Variants in DOCK1 observed in about 807,000 individuals in gnomAD.
DOCK1 encodes the protein dedicator of cytokinesis 1.
Under a neutral mutation model 262.7 loss-of-function variants are expected in DOCK1, and 138 were observed. The observed-to-expected ratio is 0.53, with a 90% CI of 0.46 to 0.61. The LOEUF is 0.61. Ranked by LOEUF, DOCK1 falls within the 20% of genes least tolerant of loss-of-function variation. DOCK1 has a pLI of 0.00. For missense variants in DOCK1, 1,908 were observed against 2,370.7 expected (o/e 0.80, Z 4.05); for synonymous variants, 866 against 867.4 (o/e 1.00, Z 0.03).
chr10:127,394,352 T>TAAAAAAAAAAAA (rs34284692), intron 38 of DOCK1, among the ~76,000 whole-genome samples: 1 of 133,074 alleles, frequency 7.5e-6, no homozygotes. Flanking sequence ...TGCACCAATG[T>TAAAAAAAAAAAA]AAAAAAAAAA....
intron 40 of DOCK1, among the ~76,000 whole-genome samples, chr10:127,407,863 A>T (rs1285765477): frequency 6.6e-6 from 1 of 151,698 alleles, no homozygotes; most frequent in Non-Finnish European, 1.5e-5. Context: ...TGTTTCTTGT[A>T]CCCCTGTGGC....
intron 27 of DOCK1, chr10:127,192,864 G>T (rs1056961203): frequency 1.3e-4 from 20 of 152,258 alleles, no homozygotes; most frequent in African/African-American, 4.6e-4. Flanking sequence ...TTTGGTTCCT[G>T]CAAGTCTGTA....
intron 27 of DOCK1, among the ~76,000 whole-genome samples, chr10:127,141,310 G>T (rs972199777): frequency 2.0e-5 from 3 of 152,172 alleles, no homozygotes; most frequent in South Asian, 2.1e-4. Flanking sequence ...ATGCCATGCG[G>T]TCATCCTCTT....
intron 27 of DOCK1, among the ~76,000 whole-genome samples, chr10:127,195,768 C>T (rs979782793): frequency 1.4e-4 from 21 of 152,166 alleles, no homozygotes; most frequent in Admixed American, 3.3e-4. Context: ...CCCGGTCGCG[C>T]CAGATGCAGT....
intron 29 of DOCK1, among the ~76,000 whole-genome samples, chr10:127,263,382 G>A (rs1304146295): frequency 4.0e-5 from 1 of 24,752 alleles, no homozygotes; most frequent in Non-Finnish European, 8.0e-5. Context: ...GATATAACTT[G>A]TAAATCAAGA....
chr10:127,287,143 G>A (rs551577063), intron 29 of DOCK1, among the ~76,000 whole-genome samples: 22 of 151,580 alleles, frequency 1.5e-4, no homozygotes, highest in Middle Eastern at 3.4e-3. Flanking sequence ...TCCTGACCTC[G>A]TGATCTGCCT....
At chr10:126,949,230 A>C (rs1032517184) in intron 1 of DOCK1, among the ~76,000 whole-genome samples, 1 of 151,940 alleles carries the variant, frequency 6.6e-6, no homozygotes, top group Non-Finnish European at 1.5e-5. Context: ...GGGTTAACAC[A>C]CCCAGCTCCT....
rs527369055 is a variant in DOCK1 at position 126,921,152 on chromosome 10, G to A, written c.46+15589G>A. 6.7e-5 allele frequency among the ~76,000 whole-genome samples: 10 copies of A among 149,904 alleles called. No homozygotes were observed. In the East Asian group the frequency reaches 1.8e-3, roughly 27 times the overall value. ...GAGGCAGAGGTTGCAGTGAGCCGAG[G>A]TCGCACCATTGCACTCCAGTCTGAG... On this transcript the variant is annotated intron_variant, in intron 1 of 51. Coordinates refer to ENST00000623213, the MANE Select transcript of DOCK1 (RefSeq NM_001290223.2).
intron 27 of DOCK1, among the ~76,000 whole-genome samples, chr10:127,183,186 G>A (rs1564880166): frequency 6.7e-6 from 1 of 150,116 alleles, no homozygotes; most frequent in African/African-American, 2.5e-5. Context: ...TATATCAAAG[G>A]AGTCTGTTTT....
At chr10:127,429,416 T>A (rs1489496694) in intron 47 of DOCK1, among the ~76,000 whole-genome samples, 2 of 152,102 alleles carry the variant, frequency 1.3e-5, no homozygotes, top group African/African-American at 4.8e-5. Context: ...GGGATGTGCC[T>A]TTCCTGTCTT....
Position 127,037,760 on chromosome 10 carries a change from C to T in DOCK1, c.1954C>T (p.Leu652=). Residue 652 remains leucine, a synonymous_variant, in exon 19 of 52, where the codon CTG becomes TTG. Transcript: ENST00000623213. ...GLLKWRSNTS[L]LQQNLRQLMK... ...CTTGAAATGGCGCTCCAACACCAGC[C>T]TGCTGCAGCAGAACTTGAGGCAGCT... is the stretch of plus-strand genomic sequence containing the variant. 3 of 1,599,010 alleles carry T rather than the reference C, an allele frequency of 1.9e-6. No individual in the cohort carries two copies. Among genetic ancestry groups the T allele is most frequent in the Non-Finnish European group, 2.6e-6 (3 of 1,172,730 alleles).
intron 27 of DOCK1, among the ~76,000 whole-genome samples, chr10:127,194,705 G>T (rs1473463943): frequency 1.3e-5 from 2 of 152,086 alleles, no homozygotes; most frequent in Non-Finnish European, 2.9e-5. Context: ...TAACCCTCTA[G>T]CAAGTCCTCG....
intron 29 of DOCK1, among the ~76,000 whole-genome samples, chr10:127,294,417 G>A (rs1460479173): frequency 1.3e-5 from 2 of 152,080 alleles, no homozygotes; most frequent in Middle Eastern, 3.2e-3. Context: ...CGCCTCCCAG[G>A]TTCAAGCAAT....
chr10:127,062,477 A>G (rs2045598812), intron 23 of DOCK1, among the ~76,000 whole-genome samples: 1 of 152,130 alleles, frequency 6.6e-6, no homozygotes, highest in South Asian at 2.1e-4. Flanking sequence ...GCTACAGAAC[A>G]CTGGACTTTA....
At chr10:127,415,281 C>A (rs758383626) in intron 44 of DOCK1, 43 bp downstream of exon 44, 9 of 1,581,872 alleles carry the variant, frequency 5.7e-6, no homozygotes, top group Admixed American at 1.8e-5. Context: ...CGTTCCCTTC[C>A]TCAATACAGT....
intron 43 of DOCK1, among the ~76,000 whole-genome samples, chr10:127,412,877 A>T (rs1185195355): frequency 6.6e-6 from 1 of 152,252 alleles, no homozygotes; most frequent in Non-Finnish European, 1.5e-5. Flanking sequence ...GTGCAGTCCC[A>T]GCAGGCTGGT....
intron 23 of DOCK1, among the ~76,000 whole-genome samples, chr10:127,078,382 C>A (rs1489106044): frequency 6.6e-6 from 1 of 151,970 alleles, no homozygotes; most frequent in Non-Finnish European, 1.5e-5. Context: ...GGGTGTGGGG[C>A]AACCTTGCAT....
chr10:127,197,998 A>G (rs563274995), intron 27 of DOCK1, among the ~76,000 whole-genome samples: 1 of 152,210 alleles, frequency 6.6e-6, no homozygotes, highest in African/African-American at 2.4e-5. Context: ...CCAGGACGGG[A>G]GTCCTGAGCC....
intron 23 of DOCK1, among the ~76,000 whole-genome samples, chr10:127,074,891 G>A (rs528266689): frequency 6.6e-6 from 1 of 152,244 alleles, no homozygotes; most frequent in African/African-American, 2.4e-5. Context: ...GCCGGGTGCG[G>A]TGGCTCACAC....
Sources: allele counts gnomAD v4.1 joint callset (sites outside exome capture counted in the v4.1 genomes callset), GRCh38; gene constraint gnomAD v4.1.1; transcripts MANE v1.5; gene names NCBI Gene and HGNC (gene_info 2026-07-23, HGNC 2026-07-21).